GCNT3: variants seen among roughly 807,000 people sequenced by gnomAD.
GCNT3 encodes the protein beta-1,3-galactosyl-O-glycosyl-glycoprotein beta-1,6-N-acetylglucosaminyltransferase 3.
For synonymous variants in GCNT3, 269 were observed against 195.2 expected (o/e 1.38, Z -3.15); for missense variants, 708 against 530.3 (o/e 1.34, Z -3.29).
chr15:59,616,931 A>G (rs1387437653), intron 2 of GCNT3, 50 bp downstream of exon 2: 4 of 152,058 alleles, frequency 2.6e-5, no homozygotes, highest in African/African-American at 9.7e-5. Context: ...ATTCCCATAA[A>G]AGCTATTACT....
chr15:59,619,140 C>T lies in GCNT3; in HGVS notation c.902C>T (p.Ala301Val), dbSNP rs1429944741. 6.2e-7 allele frequency: 1 copy of T among 1,614,164 alleles called. No individual in the cohort carries two copies. The highest frequency in any genetic ancestry group is 8.5e-7 in the Non-Finnish European group (1 of 1,180,006). ...TMFTGNAYIV[A>V]SRDFVQHVLK... ...TTTACAGGGAATGCGTACATTGTGG[C>T]TTCCCGAGATTTCGTCCAACATGTT... The change falls in exon 3 of 3, where the codon GCT (alanine) becomes GTT (valine). Residue 301 changes from alanine (A) to valine (V), a missense_variant. Coordinates refer to ENST00000396065, the MANE Select transcript of GCNT3 (RefSeq NM_004751.3).
chr15:59,618,968 A>C lies in GCNT3; in HGVS notation c.730A>C (p.Lys244Gln). The change falls in exon 3 of 3, where the codon AAG becomes CAG. Residue 244 changes from lysine to glutamine, a missense_variant. By Grantham distance (53) the Lys-to-Gln change is moderately conservative. Coordinates refer to ENST00000396065, the MANE Select transcript of GCNT3 (RefSeq NM_004751.3). ...KSNAEMVQAL[K>Q]MLNGRNSMES... ...CAATGCAGAGATGGTCCAGGCTCTC[A>C]AGATGTTGAATGGGAGGAATAGCAT... 1 of 1,614,082 alleles carries C rather than the reference A, an allele frequency of 6.2e-7. No individual in the cohort carries two copies. The highest frequency in any genetic ancestry group is 8.5e-7 in the Non-Finnish European group (1 of 1,179,996).
chr15:59,622,523 G>C lies in GCNT3; in HGVS notation c.*2968G>C, dbSNP rs1289398640. 1 of 152,052 alleles carries C rather than the reference G, an allele frequency of 6.6e-6. No homozygotes were observed. Among genetic ancestry groups the C allele is most frequent in the Non-Finnish European group, 1.5e-5 (1 of 68,036 alleles). 9.4% of individuals were successfully genotyped at this position (152,052 alleles called of 1,614,324 possible). ...TGGTGATCGATCACGGCCTCCCCCT[G>C]CTGGCTGATGTGATGGTCCTTGGTC... On this transcript the variant is annotated 3_prime_UTR_variant, in exon 3 of 3. Transcript: ENST00000396065.
chr15:59,619,292 TACG>T lies in GCNT3; in HGVS notation c.1057_1059del (p.Asp353del), dbSNP rs1346664968. 1.2e-6 allele frequency: 2 copies of T among 1,614,118 alleles called. No individual in the cohort carries two copies. The highest frequency in any genetic ancestry group is 8.5e-7 in the Non-Finnish European group (1 of 1,180,006). On this transcript the variant is annotated inframe_deletion, in exon 3 of 3. Coordinates refer to ENST00000396065, the MANE Select transcript of GCNT3 (RefSeq NM_004751.3). ...TGGCTCTGTTCCCAACCACCCCAAG[TACG>T]ACATCTCAGACATGACTTCTATTGC...
rs764874497 is a variant in GCNT3, at chr15:59,618,440, A to G, written c.202A>G (p.Ile68Val). 51 of 1,614,030 alleles carry G rather than the reference A, an allele frequency of 3.2e-5. 1 individual carries two copies. Among genetic ancestry groups the G allele is most frequent in the South Asian group, 2.0e-4 (18 of 91,090 alleles). ...NFLKLPAKRS[I>V]NCSGVTRGDQ... ...CCTGAAACTTCCAGCAAAGAGGTCT[A>G]TCAACTGTTCAGGGGTCACCCGAGG... Residue 68 changes from isoleucine to valine, a missense_variant, in exon 3 of 3, where the codon ATC (isoleucine) becomes GTC (valine). Physicochemically the swap from Ile to Val is conservative, Grantham distance 29. Transcript: ENST00000396065.
rs2082731458 is a variant in GCNT3, at chr15:59,618,609, T to A, written c.371T>A (p.Leu124Gln). 2 of 1,614,104 alleles carry A rather than the reference T, an allele frequency of 1.2e-6. No individual in the cohort carries two copies. The highest frequency in any genetic ancestry group is 4.5e-5 in the East Asian group (2 of 44,886). The change falls in exon 3 of 3, where the codon CTG becomes CAG. Residue 124 changes from leucine to glutamine, a missense_variant. Coordinates refer to ENST00000396065, the MANE Select transcript of GCNT3 (RefSeq NM_004751.3). ...KAERKFIQFPLSKEEVEFPIA... is the reference protein window; with the variant it reads ...KAERKFIQFPQSKEEVEFPIA... Reference sequence around the variant, plus strand: ...GAAAGGAAGTTCATACAGTTCCCACTGAGCAAAGAAGAGGTGGAGTTCCCT... The same window carrying A: ...GAAAGGAAGTTCATACAGTTCCCACAGAGCAAAGAAGAGGTGGAGTTCCCT...
In GCNT3 at chr15:59,619,126, T is replaced by C. The variant is rs2082734866; in HGVS notation, c.888T>C (p.Asn296=). The change falls in exon 3 of 3, where the codon AAT becomes AAC. Residue 296 remains asparagine (N), a synonymous_variant. Coordinates refer to ENST00000396065, the MANE Select transcript of GCNT3 (RefSeq NM_004751.3). ...PPYNLTMFTG[N]AYIVASRDFV... ...ATAATTTAACTATGTTTACAGGGAA[T>C]GCGTACATTGTGGCTTCCCGAGATT... The C allele has an allele frequency of 3.1e-6, 5 of 1,614,046 alleles. No individual in the cohort carries two copies. Among genetic ancestry groups the C allele is most frequent in the Non-Finnish European group, 3.4e-6 (4 of 1,180,030 alleles).
Position 59,620,715 on chromosome 15 carries a change from G to T in GCNT3, c.*1160G>T, listed in dbSNP as rs1177318075. Reference sequence around the variant, plus strand: ...AAGGAGATAATAGCCAATCAGGTAAGGTAATGTGTAATTCATTATTCAAAG... The same window carrying T: ...AAGGAGATAATAGCCAATCAGGTAATGTAATGTGTAATTCATTATTCAAAG... On this transcript the variant is annotated 3_prime_UTR_variant, in exon 3 of 3. Transcript: ENST00000396065. 6.0e-6 allele frequency: 1 copy of T among 166,892 alleles called. No individual in the cohort carries two copies. Among genetic ancestry groups the T allele is most frequent in the Non-Finnish European group, 1.5e-5 (1 of 68,106 alleles). 10.3% of individuals were successfully genotyped at this position (166,892 alleles called of 1,614,324 possible). A position where few individuals can be genotyped will look rare whatever the true frequency, so the allele number is the denominator to read the frequency against.
In GCNT3 at chr15:59,618,821, G is replaced by A. The variant is rs1458322484; in HGVS notation, c.583G>A (p.Val195Met). 2 of 1,614,188 alleles carry A rather than the reference G, an allele frequency of 1.2e-6. No homozygotes were observed. Among genetic ancestry groups the A allele is most frequent in the East Asian group, 2.2e-5 (1 of 44,888 alleles). The change falls in exon 3 of 3, where the codon GTG becomes ATG. Residue 195 changes from valine (V) to methionine (M), a missense_variant. By Grantham distance (21) the Val-to-Met change is conservative. Coordinates refer to ENST00000396065, the MANE Select transcript of GCNT3 (RefSeq NM_004751.3). ...NVFIASKLVR[V>M]VYASWSRVQA... ...CTTCATAGCCAGTAAGCTGGTTCGG[G>A]TGGTTTATGCCTCCTGGTCCAGGGT...
Position 59,618,255 on chromosome 15 carries a change from G to A in GCNT3, c.17G>A (p.Arg6Lys). 6.3e-7 allele frequency: 1 copy of A among 1,576,486 alleles called. No individual in the cohort carries two copies. Among genetic ancestry groups the A allele is most frequent in the South Asian group, 1.2e-5 (1 of 85,656 alleles). ...TCTGTGACGATGGTTCAATGGAAGA[G>A]ACTCTGCCAGCTGCATTACTTGTGG... MVQWK[R>K]LCQLHYLWAL... Residue 6 changes from arginine to lysine, a missense_variant, in exon 3 of 3, where the codon AGA (arginine) becomes AAA (lysine). Coordinates refer to ENST00000396065, the MANE Select transcript of GCNT3 (RefSeq NM_004751.3).
Position 59,619,517 on chromosome 15 carries a change from T to C in GCNT3, c.1279T>C (p.Tyr427His). ...DDNALQCLEE[Y>H]LRYKAIYGTE... ...TAATGCTCTTCAGTGCTTAGAAGAA[T>C]ACCTACGTTATAAGGCCATCTATGG... Residue 427 changes from tyrosine to histidine, a missense_variant, in exon 3 of 3, where the codon TAC (tyrosine) becomes CAC (histidine). By Grantham distance (83) the Tyr-to-His change is moderately conservative (BLOSUM62 2). Coordinates refer to ENST00000396065, the MANE Select transcript of GCNT3 (RefSeq NM_004751.3). 6.2e-7 allele frequency: 1 copy of C among 1,609,328 alleles called. No homozygotes were observed. The highest frequency in any genetic ancestry group is 8.5e-7 in the Non-Finnish European group (1 of 1,176,400).
intron 1 of GCNT3, chr15:59,616,316 A>G (rs1003213746): frequency 2.0e-5 from 3 of 152,198 alleles, no homozygotes; most frequent in Non-Finnish European, 4.4e-5. Flanking sequence ...AAAATCCTTG[A>G]AGAGTATTTT....
At position 59,619,435 on chromosome 15, in the gene GCNT3, T is replaced by G; in HGVS notation, c.1197T>G (p.Asn399Lys). The G allele has an allele frequency of 6.2e-7, 1 of 1,614,138 alleles. No individual in the cohort carries two copies. Among genetic ancestry groups the G allele is most frequent in the South Asian group, 1.1e-5 (1 of 91,082 alleles). ...AICVYGAGDL[N>K]WMLQNHHLLA... ...GCGTTTATGGGGCTGGGGACTTGAA[T>G]TGGATGCTTCAAAACCATCACCTGT... is the stretch of plus-strand genomic sequence containing the variant. Residue 399 changes from asparagine to lysine, a missense_variant, in exon 3 of 3, where the codon AAT becomes AAG. Asn to Lys is a moderately conservative substitution (Grantham distance 94). Transcript: ENST00000396065.
chr15:59,621,670 A>G lies in GCNT3; in HGVS notation c.*2115A>G, dbSNP rs192812861. ...GCAACGAATGGCGCAATCTTGGCTC[A>G]TTACAACCTCCGCCTCCTGGGTCCA... On this transcript the variant is annotated 3_prime_UTR_variant, in exon 3 of 3. Transcript: ENST00000396065. 8.1e-6 allele frequency: 1 copy of G among 122,942 alleles called. No individual in the cohort carries two copies. The highest frequency in any genetic ancestry group is 2.5e-4 in the East Asian group (1 of 3,954). The allele number at this position is 122,942 out of a possible 1,614,324, so 7.6% of individuals were successfully genotyped here. A position where few individuals can be genotyped will look rare whatever the true frequency, so the allele number is the denominator to read the frequency against.
rs903716681 is a variant in GCNT3 at position 59,622,456 on chromosome 15, G to C, written c.*2901G>C. 2.0e-5 allele frequency: 3 copies of C among 152,154 alleles called. No individual in the cohort carries two copies. The highest frequency in any genetic ancestry group is 4.4e-5 in the Non-Finnish European group (3 of 68,060). The allele number at this position is 152,154 out of a possible 1,614,324, so 9.4% of individuals were successfully genotyped here. On this transcript the variant is annotated 3_prime_UTR_variant, in exon 3 of 3. Coordinates refer to ENST00000396065, the MANE Select transcript of GCNT3 (RefSeq NM_004751.3). Reference sequence around the variant, plus strand: ...CTACGGAGATGACTGATGACTAGTTGTATACACAGTGGGTGTGCCCTGAGA... The same window carrying C: ...CTACGGAGATGACTGATGACTAGTTCTATACACAGTGGGTGTGCCCTGAGA...
chr15:59,618,760 G>A lies in GCNT3; in HGVS notation c.522G>A (p.Glu174=). The A allele has an allele frequency of 6.2e-7, 1 of 1,614,190 alleles. No individual in the cohort carries two copies. Among genetic ancestry groups the A allele is most frequent in the Non-Finnish European group, 8.5e-7 (1 of 1,180,032 alleles). ...AGAAGTCCCCAGAAACTTTCAAAGA[G>A]GCGGTCAAAGCAATTATTTCTTGCT... ...VDEKSPETFK[E]AVKAIISCFP... The change falls in exon 3 of 3, where the codon GAG becomes GAA. Residue 174 remains glutamate (E), a synonymous_variant. Coordinates refer to ENST00000396065, the MANE Select transcript of GCNT3 (RefSeq NM_004751.3).
At position 59,618,305 on chromosome 15, in the gene GCNT3, G is replaced by C. The variant is rs781560300; in HGVS notation, c.67G>C (p.Ala23Pro). The change falls in exon 3 of 3, where the codon GCC (alanine) becomes CCC (proline). Residue 23 changes from alanine to proline, a missense_variant. Coordinates refer to ENST00000396065, the MANE Select transcript of GCNT3 (RefSeq NM_004751.3). ...GGCTCTGGGCTGCTATATGCTGCTG[G>C]CCACTGTGGCTCTGAAACTTTCTTT... ...LWALGCYMLLATVALKLSFRL... is the reference protein window; with the variant it reads ...LWALGCYMLLPTVALKLSFRL... 6.2e-7 allele frequency: 1 copy of C among 1,613,068 alleles called. No individual in the cohort carries two copies. The highest frequency in any genetic ancestry group is 8.5e-7 in the Non-Finnish European group (1 of 1,179,680).
intron 1 of GCNT3, among the ~76,000 whole-genome samples, chr15:59,612,315 T>A (rs529569777): frequency 6.6e-6 from 1 of 151,988 alleles, no homozygotes; most frequent in South Asian, 2.1e-4. Flanking sequence ...GATTGAGGAG[T>A]CTGAGTGGGA....
rs2082730027 is a variant in GCNT3 at position 59,618,437 on chromosome 15, T to G, written c.199T>G (p.Ser67Ala). Residue 67 changes from serine (S) to alanine (A), a missense_variant, in exon 3 of 3, where the codon TCT becomes GCT. Coordinates refer to ENST00000396065, the MANE Select transcript of GCNT3 (RefSeq NM_004751.3). ...TTTCCTGAAACTTCCAGCAAAGAGG[T>G]CTATCAACTGTTCAGGGGTCACCCG... ...YNFLKLPAKR[S>A]INCSGVTRGD... 6.2e-7 allele frequency: 1 copy of G among 1,613,808 alleles called. No individual in the cohort carries two copies. The highest frequency in any genetic ancestry group is 8.5e-7 in the Non-Finnish European group (1 of 1,179,934).
Sources: gnomAD v4.1 joint callset for allele counts (sites outside exome capture counted in the v4.1 genomes callset) on GRCh38, gnomAD v4.1.1 for gene constraint, MANE v1.5 for transcripts, NCBI Gene and HGNC (gene_info 2026-07-23, HGNC 2026-07-21) for gene names.